The following TENM2 variants were observed in gnomAD, a reference collection of about 807,000 sequenced individuals.
The protein encoded by TENM2 is teneurin-2.
A neutral mutation model predicts 245.2 loss-of-function variants in TENM2; 52 were observed. The ratio of observed to expected loss-of-function variants is 0.21; its 90% CI spans 0.17 to 0.27. The LOEUF is 0.27. TENM2 is among the 10% of genes least tolerant of loss of function. The pLI, the probability that TENM2 is intolerant of heterozygous loss-of-function variation, is 1.00. For synonymous variants in TENM2, 1,363 were observed against 1,438.9 expected (o/e 0.95, Z 1.19); for missense variants, 3,046 against 3,666.8 (o/e 0.83, Z 4.37).
At chr5:168,184,005 C>T (rs1406520791) in intron 13 of TENM2, among the ~76,000 whole-genome samples, 1 of 152,118 alleles carries the variant, frequency 6.6e-6, no homozygotes, top group African/African-American at 2.4e-5. Context: ...CCTGGGGAAC[C>T]AGGTGACTAA....
At chr5:168,123,801 T>C (rs1320840116) in intron 10 of TENM2, among the ~76,000 whole-genome samples, 2 of 152,242 alleles carry the variant, frequency 1.3e-5, no homozygotes, top group African/African-American at 2.4e-5. Flanking sequence ...TCAAACCGTA[T>C]ATTACACAAA....
At chr5:167,748,479 A>C (rs112125671) in intron 2 of TENM2, among the ~76,000 whole-genome samples, 1 of 152,144 alleles carries the variant, frequency 6.6e-6, no homozygotes, top group African/African-American at 2.4e-5. Context: ...CCTTGGCTCA[A>C]GGAATCCTCT....
intron 2 of TENM2, among the ~76,000 whole-genome samples, chr5:167,640,658 T>A (rs1194475497): frequency 1.3e-5 from 2 of 149,524 alleles, no homozygotes; most frequent in Non-Finnish European, 3.0e-5. Context: ...ACTGGAAATA[T>A]ATACCTTGCA....
intron 2 of TENM2, among the ~76,000 whole-genome samples, chr5:167,627,581 G>A (rs914264959): frequency 2.1e-4 from 30 of 144,084 alleles, no homozygotes; most frequent in African/African-American, 7.2e-4. Flanking sequence ...TTTTTGAAAC[G>A]GGGTCTCACT....
the TENM2 span, among the ~76,000 whole-genome samples, chr5:167,113,855 G>A: frequency 6.6e-6 from 1 of 152,114 alleles, no homozygotes; most frequent in Non-Finnish European, 1.5e-5. Context: ...CCTAGAAGAC[G>A]AGGAATGAGT....
chr5:168,007,278 G>A (rs1318928204), intron 5 of TENM2, among the ~76,000 whole-genome samples: 3 of 152,020 alleles, frequency 2.0e-5, no homozygotes, highest in African/African-American at 4.8e-5. Context: ...ACAGGCGCCC[G>A]CCATCACGCC....
intron 6 of TENM2, among the ~76,000 whole-genome samples, chr5:168,051,953 G>A (rs1179476772): frequency 6.6e-6 from 1 of 152,114 alleles, no homozygotes; most frequent in Non-Finnish European, 1.5e-5. Context: ...CTTTTGAGAG[G>A]CTATATTTTC....
the TENM2 span, among the ~76,000 whole-genome samples, chr5:167,207,917 C>G: frequency 6.6e-6 from 1 of 152,140 alleles, no homozygotes; most frequent in Non-Finnish European, 1.5e-5. Flanking sequence ...ATGTGCCCAG[C>G]TAATTTTTGT....
In TENM2 at chr5:167,531,472, T is replaced by C. The variant is rs1479280214; in HGVS notation, c.502+155999T>C. ...TCAGACAGTCTGACACGTCCATCAC[T>C]TCACACTTATCTTTTTTTTTTTGCA... is the stretch of plus-strand genomic sequence containing the variant. On this transcript the variant is annotated intron_variant, in intron 2 of 28. Coordinates refer to ENST00000518659, the Ensembl canonical transcript of TENM2. Among the ~76,000 whole-genome samples, 4 of 152,224 alleles carry C rather than the reference T, an allele frequency of 2.6e-5. No homozygotes were observed. In the South Asian group the frequency reaches 6.2e-4, roughly 24 times the overall value.
the TENM2 span, among the ~76,000 whole-genome samples, chr5:167,163,501 A>T: frequency 1.3e-5 from 2 of 152,192 alleles, no homozygotes; most frequent in Non-Finnish European, 2.9e-5. Flanking sequence ...CTGGAAAGAG[A>T]AAACTGGAGA....
intron 2 of TENM2, among the ~76,000 whole-genome samples, chr5:167,786,870 A>T (rs1472076529): frequency 1.3e-5 from 2 of 152,230 alleles, no homozygotes; most frequent in African/African-American, 2.4e-5. Flanking sequence ...GAATTAATAC[A>T]ACTTTCTATG....
chr5:167,404,241 G>A (rs1190685958), intron 2 of TENM2, among the ~76,000 whole-genome samples: 2 of 152,002 alleles, frequency 1.3e-5, no homozygotes, highest in Non-Finnish European at 2.9e-5. Context: ...GTGTTTGAGA[G>A]AGGCATGAGG....
At chr5:167,139,297 G>A in the TENM2 span, among the ~76,000 whole-genome samples, 1 of 152,172 alleles carries the variant, frequency 6.6e-6, no homozygotes, top group Admixed American at 6.5e-5. Flanking sequence ...CTGATACATA[G>A]AAGAAGGCAA....
chr5:168,006,447 G>T (rs555448493), intron 5 of TENM2, among the ~76,000 whole-genome samples: 1 of 152,152 alleles, frequency 6.6e-6, no homozygotes, highest in Non-Finnish European at 1.5e-5. Flanking sequence ...TAATGCCTTC[G>T]AATGCACATT....
At chr5:167,026,839 G>A in the TENM2 span, among the ~76,000 whole-genome samples, 32 of 152,292 alleles carry the variant, frequency 2.1e-4, no homozygotes, top group African/African-American at 7.2e-4. Flanking sequence ...AAGCCACATT[G>A]CATCAATTCT....
intron 4 of TENM2, among the ~76,000 whole-genome samples, chr5:167,958,825 T>C (rs1254699130): frequency 1.3e-5 from 2 of 152,046 alleles, no homozygotes; most frequent in South Asian, 2.1e-4. Flanking sequence ...TCTTCTGGCT[T>C]GTAGCGTGTC....
intron 2 of TENM2, among the ~76,000 whole-genome samples, chr5:167,641,467 C>T (rs1779609978): frequency 6.6e-6 from 1 of 152,050 alleles, no homozygotes; most frequent in Non-Finnish European, 1.5e-5. Flanking sequence ...AAAACAACAG[C>T]AAAAACCACA....
At chr5:167,304,612 A>T (rs1228802548) in intron 1 of TENM2, among the ~76,000 whole-genome samples, 1 of 152,180 alleles carries the variant, frequency 6.6e-6, no homozygotes, top group African/African-American at 2.4e-5. Context: ...TGTTTTCCAT[A>T]AGAAACTGTG....
the TENM2 span, among the ~76,000 whole-genome samples, chr5:167,017,379 G>A: frequency 6.6e-6 from 1 of 152,184 alleles, no homozygotes. Context: ...GTTTCCCTAT[G>A]TGTACAAAGA....
Sources: gnomAD v4.1 joint callset for allele counts (sites outside exome capture counted in the v4.1 genomes callset) on GRCh38, gnomAD v4.1.1 for gene constraint, MANE v1.5 for transcripts, NCBI Gene and HGNC (gene_info 2026-07-23, HGNC 2026-07-21) for gene names.